RGS17: variants seen among roughly 807,000 people sequenced by gnomAD.
RGS17 encodes the protein regulator of G-protein signaling 17.
A neutral mutation model predicts 25.5 loss-of-function variants in RGS17; 12 were observed. That is an observed-to-expected ratio of 0.47 (90% CI 0.30 to 0.76). The LOEUF (loss-of-function observed/expected upper bound fraction) is 0.76, where lower values mean the gene tolerates loss of function less well. RGS17 is among the 30% of genes least tolerant of loss of function. The pLI is 0.07. For missense variants in RGS17, 196 were observed against 242.2 expected (o/e 0.81, Z 1.27); for synonymous variants, 71 against 76.9 (o/e 0.92, Z 0.40).
chr6:153,105,635 A>C (rs1202747177), intron 1 of RGS17, among the ~76,000 whole-genome samples: 1 of 151,608 alleles, frequency 6.6e-6, no homozygotes, highest in African/African-American at 2.4e-5. Context: ...AGCAGTATGT[A>C]AGGTGAAGTC....
chr6:153,018,372 T>A (rs757186375), intron 4 of RGS17, among the ~76,000 whole-genome samples: 14 of 152,242 alleles, frequency 9.2e-5, no homozygotes, highest in Non-Finnish European at 2.1e-4. Context: ...ATTTATAATT[T>A]CCTCAAACAT....
intron 1 of RGS17, among the ~76,000 whole-genome samples, chr6:153,124,236 T>C (rs894869962): frequency 2.6e-5 from 4 of 152,240 alleles, no homozygotes; most frequent in East Asian, 3.8e-4. Context: ...GAAGCTTATA[T>C]GTGAACTCCT....
intron 2 of RGS17, 87 bp from the exon 3 acceptor site, chr6:153,026,630 A>C (rs1779305822): frequency 2.1e-6 from 2 of 951,120 alleles, no homozygotes; most frequent in East Asian, 4.9e-5. Context: ...AACATTTCAC[A>C]GGAGATCTTA....
chr6:153,080,492 T>A (rs1366821777), intron 1 of RGS17, among the ~76,000 whole-genome samples: 1 of 152,158 alleles, frequency 6.6e-6, no homozygotes, highest in African/African-American at 2.4e-5. Flanking sequence ...CAGTTAACCA[T>A]CTTTTATCAA....
rs935298586 is a variant in RGS17 at position 153,006,498 on chromosome 6, A to G, written c.*5076T>C. 4 of 152,618 alleles carry G rather than the reference A, an allele frequency of 2.6e-5. No individual in the cohort carries two copies. The highest frequency in any genetic ancestry group is 9.6e-5 in the African/African-American group (4 of 41,464). The allele number at this position is 152,618 out of a possible 1,614,324, so 9.5% of individuals were successfully genotyped here. A position where few individuals can be genotyped will look rare whatever the true frequency, so the allele number is the denominator to read the frequency against. On this transcript the variant is annotated 3_prime_UTR_variant, in exon 5 of 5. Transcript: ENST00000206262. ...TTCTATAGATTTGAGGTGATGGTGA[A>G]CTGAAAGTACTGATTTGGGATCACA...
intron 1 of RGS17, among the ~76,000 whole-genome samples, chr6:153,071,376 T>C (rs1654404789): frequency 6.6e-6 from 1 of 152,070 alleles, no homozygotes; most frequent in South Asian, 2.1e-4. Context: ...ATTGTCATCA[T>C]AATTCCTACT....
At position 153,084,584 on chromosome 6, in the gene RGS17, C is replaced by T. The variant is rs919664815; in HGVS notation, c.-25-40541G>A. On this transcript the variant is annotated intron_variant, in intron 1 of 4. Transcript: ENST00000206262. ...AATGATAGAGAACAGCTGGAAAAGGCTGCAGGGTTAAGGGAGGAAATTTTA... is the reference window on the plus strand; with the variant it reads ...AATGATAGAGAACAGCTGGAAAAGGTTGCAGGGTTAAGGGAGGAAATTTTA... 2.0e-5 allele frequency among the ~76,000 whole-genome samples: 3 copies of T among 152,206 alleles called. No individual in the cohort carries two copies. In the East Asian group the frequency reaches 5.8e-4, roughly 29 times the overall value.
chr6:153,113,501 G>A (rs1777503599), intron 1 of RGS17, among the ~76,000 whole-genome samples: 1 of 152,174 alleles, frequency 6.6e-6, no homozygotes, highest in African/African-American at 2.4e-5. Context: ...ACACCCCACT[G>A]TCAATATTAG....
At chr6:153,109,864 C>CT (rs1411563553) in intron 1 of RGS17, among the ~76,000 whole-genome samples, 1 of 152,234 alleles carries the variant, frequency 6.6e-6, no homozygotes, top group Non-Finnish European at 1.5e-5. Flanking sequence ...AACTTGCCCC[C>CT]TGGGGCCCTG....
At chr6:153,118,410 A>G (rs1777573116) in intron 1 of RGS17, among the ~76,000 whole-genome samples, 1 of 152,262 alleles carries the variant, frequency 6.6e-6, no homozygotes, top group Admixed American at 6.5e-5. Flanking sequence ...TTATCTAAGA[A>G]TGTATGGGAT....
At chr6:153,086,642 G>A (rs138777004) in intron 1 of RGS17, among the ~76,000 whole-genome samples, 21 of 152,260 alleles carry the variant, frequency 1.4e-4, no homozygotes, top group African/African-American at 5.1e-4. Flanking sequence ...TCACTTAACT[G>A]TCACAAACAC....
At chr6:153,118,749 A>AT (rs1777578790) in intron 1 of RGS17, among the ~76,000 whole-genome samples, 1 of 151,066 alleles carries the variant, frequency 6.6e-6, no homozygotes, top group African/African-American at 2.4e-5. Context: ...AGTGCTTTTA[A>AT]CAATCACAAG....
At chr6:153,065,574 C>A (rs1180784851) in intron 1 of RGS17, among the ~76,000 whole-genome samples, 5 of 152,154 alleles carry the variant, frequency 3.3e-5, no homozygotes, top group African/African-American at 1.2e-4. Context: ...GAAATAATAT[C>A]AACCATCTTT....
intron 1 of RGS17, among the ~76,000 whole-genome samples, chr6:153,072,440 T>C (rs146935567): frequency 6.6e-6 from 1 of 152,296 alleles, no homozygotes; most frequent in East Asian, 1.9e-4. Context: ...ACATAGATTG[T>C]CATACAACTC....
intron 4 of RGS17, among the ~76,000 whole-genome samples, chr6:153,022,630 T>C (rs1779257737): frequency 6.6e-6 from 1 of 152,206 alleles, no homozygotes; most frequent in Non-Finnish European, 1.5e-5. Flanking sequence ...AGGACTCTCA[T>C]TTTGTATAAT....
chr6:153,044,219 C>T (rs902568200), intron 1 of RGS17, among the ~76,000 whole-genome samples, 176 bp from the exon 2 acceptor site: 1 of 152,148 alleles, frequency 6.6e-6, no homozygotes, highest in African/African-American at 2.4e-5. Flanking sequence ...GAAGGATATA[C>T]TAAAAACTTT....
intron 1 of RGS17, among the ~76,000 whole-genome samples, chr6:153,088,717 C>T (rs1298689138): frequency 6.6e-6 from 1 of 151,962 alleles, no homozygotes; most frequent in African/African-American, 2.4e-5. Context: ...TCCTTATTTG[C>T]CCAAGTGCAG....
chr6:153,071,128 T>C (rs1776796017), intron 1 of RGS17, among the ~76,000 whole-genome samples: 1 of 149,754 alleles, frequency 6.7e-6, no homozygotes, highest in Non-Finnish European at 1.5e-5. Flanking sequence ...TATAAGTACA[T>C]ATTGTATATG....
chr6:153,009,606 CACTA>C lies in RGS17; in HGVS notation c.*1964_*1967del, dbSNP rs927330413. On this transcript the variant is annotated 3_prime_UTR_variant, in exon 5 of 5. Transcript: ENST00000206262. Reference sequence around the variant, plus strand: ...GACATGAATAAAATATGTCTTAACACACTAACACTTTCAGAAAACACAGGCATTT... The same window carrying C: ...GACATGAATAAAATATGTCTTAACACACACTTTCAGAAAACACAGGCATTT... The C allele has an allele frequency of 1.3e-5, 2 of 151,790 alleles. No individual in the cohort carries two copies. The highest frequency in any genetic ancestry group is 2.9e-5 in the Non-Finnish European group (2 of 67,824). 9.4% of individuals were successfully genotyped at this position (151,790 alleles called of 1,614,324 possible).
Sources: allele counts gnomAD v4.1 joint callset (sites outside exome capture counted in the v4.1 genomes callset), GRCh38; gene constraint gnomAD v4.1.1; transcripts MANE v1.5; gene names NCBI Gene and HGNC (gene_info 2026-07-23, HGNC 2026-07-21).